Variants in TAFA1 observed in about 807,000 individuals in gnomAD.
TAFA1 encodes the protein TAFA chemokine like family member 1.
Under a neutral mutation model 18.5 loss-of-function variants are expected in TAFA1, and 4 were observed. The observed-to-expected ratio is 0.22, with a 90% CI of 0.11 to 0.49. TAFA1 has a LOEUF of 0.49. TAFA1 is among the 20% of genes least tolerant of loss of function. The pLI is 0.98. For missense variants in TAFA1, 147 were observed against 169.0 expected, an observed-to-expected ratio of 0.87 and a Z score of 0.72; for synonymous variants, 56 against 55.2, an observed-to-expected ratio of 1.01 and a Z score of -0.06.
chr3:68,100,939 C>T (rs912485918), intron 2 of TAFA1, among the ~76,000 whole-genome samples: 2 of 152,150 alleles, frequency 1.3e-5, no homozygotes, highest in African/African-American at 2.4e-5. Context: ...TGTTTAGTTA[C>T]CTGTTCATTC....
chr3:68,274,091 T>C (rs530549406), intron 2 of TAFA1, among the ~76,000 whole-genome samples: 1 of 152,066 alleles, frequency 6.6e-6, no homozygotes, highest in African/African-American at 2.4e-5. Context: ...ACTGTGGGAG[T>C]TGGCTGGCCT....
chr3:68,074,542 AG>A (rs1344714548), intron 2 of TAFA1, among the ~76,000 whole-genome samples: 3 of 152,250 alleles, frequency 2.0e-5, no homozygotes, highest in Non-Finnish European at 4.4e-5. Flanking sequence ...AAATGCCTAC[AG>A]CAAAGGGATA....
intron 2 of TAFA1, chr3:68,246,989 C>T (rs1024444896): frequency 6.6e-6 from 1 of 152,170 alleles, no homozygotes; most frequent in African/African-American, 2.4e-5. Context: ...GATCAAATGA[C>T]TCTTTTCTCA....
chr3:68,436,892 G>T (rs1184915963), intron 3 of TAFA1, among the ~76,000 whole-genome samples: 2 of 152,132 alleles, frequency 1.3e-5, no homozygotes, highest in Non-Finnish European at 2.9e-5. Flanking sequence ...CACTTCTGTT[G>T]TCCAGATTTT....
At chr3:68,111,593 A>G (rs1043382907) in intron 2 of TAFA1, among the ~76,000 whole-genome samples, 1 of 152,118 alleles carries the variant, frequency 6.6e-6, no homozygotes, top group Non-Finnish European at 1.5e-5. Flanking sequence ...ATTGTGCAAA[A>G]GTGTTCTAAG....
At chr3:68,225,952 T>G (rs918804610) in intron 2 of TAFA1, among the ~76,000 whole-genome samples, 1 of 152,142 alleles carries the variant, frequency 6.6e-6, no homozygotes, top group Non-Finnish European at 1.5e-5. Context: ...GATTTTGTTA[T>G]ACATAAATTT....
At chr3:68,144,304 G>C (rs1466469968) in intron 2 of TAFA1, among the ~76,000 whole-genome samples, 2 of 152,090 alleles carry the variant, frequency 1.3e-5, no homozygotes, top group East Asian at 3.9e-4. Flanking sequence ...CCTTTATTTT[G>C]AAGAACATAC....
intron 2 of TAFA1, among the ~76,000 whole-genome samples, chr3:68,261,327 C>A (rs1330317128): frequency 6.6e-6 from 1 of 152,152 alleles, no homozygotes; most frequent in African/African-American, 2.4e-5. Flanking sequence ...GGACTGTAAA[C>A]TAGTTCAACC....
chr3:68,500,765 A>G (rs1008531781), intron 3 of TAFA1, among the ~76,000 whole-genome samples: 1 of 152,044 alleles, frequency 6.6e-6, no homozygotes, highest in Non-Finnish European at 1.5e-5. Context: ...GAAGATCACG[A>G]TTTATGATTA....
At position 68,275,871 on chromosome 3, in the gene TAFA1, G is replaced by C. The variant is rs149150717; in HGVS notation, c.119-141409G>C. On this transcript the variant is annotated intron_variant, in intron 2 of 4. Coordinates refer to ENST00000478136, the MANE Select transcript of TAFA1 (RefSeq NM_213609.4). ...AGTTATTTATGCTGCCCCCAAATGC[G>C]ACTACCTAACTGAGCCTGCTGTTTG... 3.1e-3 allele frequency among the ~76,000 whole-genome samples: 475 copies of C among 152,104 alleles called. 3 individuals are homozygous for C. The highest frequency in any genetic ancestry group is 0.011 in the African/African-American group (455 of 41,500).
chr3:68,534,679 C>G (rs145521595), intron 3 of TAFA1, among the ~76,000 whole-genome samples: 6 of 152,198 alleles, frequency 3.9e-5, no homozygotes, highest in East Asian at 1.9e-4. Flanking sequence ...CCCTATGAAC[C>G]AGTGGATCTT....
chr3:68,343,774 A>G (rs1457801774), intron 2 of TAFA1, among the ~76,000 whole-genome samples: 1 of 152,148 alleles, frequency 6.6e-6, no homozygotes, highest in Non-Finnish European at 1.5e-5. Context: ...CCATATGAAA[A>G]TCAATATAGA....
chr3:68,443,853 T>C (rs2071429324), intron 3 of TAFA1, among the ~76,000 whole-genome samples: 1 of 152,042 alleles, frequency 6.6e-6, no homozygotes, highest in Admixed American at 6.6e-5. Flanking sequence ...ACAACATGAG[T>C]CATCTATCCC....
chr3:68,512,685 T>TTTGC (rs199794048), intron 3 of TAFA1, among the ~76,000 whole-genome samples: 78 of 2,368 alleles, frequency 0.033, 1 homozygote, highest in East Asian at 0.2. Context: ...TGGTTTTTTG[T>TTTGC]TTGTTTGTTT....
At chr3:68,136,269 C>G (rs1027947817) in intron 2 of TAFA1, among the ~76,000 whole-genome samples, 1 of 151,966 alleles carries the variant, frequency 6.6e-6, no homozygotes, top group African/African-American at 2.4e-5. Context: ...AACAGAAATG[C>G]TATATAGGAG....
intron 2 of TAFA1, among the ~76,000 whole-genome samples, chr3:68,255,797 A>C (rs928693540): frequency 3.3e-5 from 5 of 152,078 alleles, no homozygotes; most frequent in African/African-American, 4.8e-5. Context: ...GGATGGTTGG[A>C]GATGGGCTAA....
intron 2 of TAFA1, among the ~76,000 whole-genome samples, chr3:68,105,793 A>G (rs1217668871): frequency 6.6e-6 from 1 of 152,142 alleles, no homozygotes; most frequent in African/African-American, 2.4e-5. Flanking sequence ...TCCTACCTTG[A>G]TTAGATTATT....
intron 2 of TAFA1, among the ~76,000 whole-genome samples, chr3:68,327,506 A>G (rs911448971): frequency 3.9e-5 from 6 of 152,174 alleles, no homozygotes; most frequent in Non-Finnish European, 8.8e-5. Context: ...CTAGATCACC[A>G]CTTGCTAGCA....
At chr3:68,483,702 C>A (rs1212277484) in intron 3 of TAFA1, among the ~76,000 whole-genome samples, 1 of 152,182 alleles carries the variant, frequency 6.6e-6, no homozygotes, top group African/African-American at 2.4e-5. Context: ...GAAACAGATT[C>A]TGTGGGGCTG....
Sources: gnomAD v4.1 joint callset for allele counts (sites outside exome capture counted in the v4.1 genomes callset) on GRCh38, gnomAD v4.1.1 for gene constraint, MANE v1.5 for transcripts, NCBI Gene and HGNC (gene_info 2026-07-23, HGNC 2026-07-21) for gene names.